TSPAN9: variants seen among roughly 807,000 people sequenced by gnomAD.
TSPAN9 encodes tetraspanin-9.
TSPAN9 carries 16 observed loss-of-function variants against 31.0 expected under a neutral mutation model. The observed-to-expected ratio is 0.52, with a 90% CI of 0.35 to 0.78. TSPAN9 has a LOEUF of 0.78. Among genes scored for constraint, TSPAN9 ranks in the 30% least tolerant of loss-of-function variants. The pLI is 0.01. For missense variants in TSPAN9, 272 were observed against 312.5 expected (o/e 0.87, Z 0.98); for synonymous variants, 145 against 121.6 (o/e 1.19, Z -1.27).
intron 2 of TSPAN9, 77 bp from the exon 3 acceptor site, chr12:3,201,100 G>A: frequency 7.3e-7 from 1 of 1,366,326 alleles, no homozygotes; most frequent in Non-Finnish European, 1.0e-6. Context: ...CCGGCGTTAA[G>A]ACCGACAAGT....
intron 2 of TSPAN9, among the ~76,000 whole-genome samples, chr12:3,197,900 C>A: frequency 1.8e-5 from 1 of 56,190 alleles, no homozygotes; most frequent in Non-Finnish European, 3.6e-5. Context: ...ACAGGTCACA[C>A]CAGCACAGGT....
At chr12:3,213,095 C>T (rs1376459695) in intron 3 of TSPAN9, among the ~76,000 whole-genome samples, 2 of 152,156 alleles carry the variant, frequency 1.3e-5, no homozygotes, top group East Asian at 3.9e-4. Context: ...CAGCGGTGTG[C>T]TGGTTGCAGA....
At chr12:3,233,378 C>T (rs1170481043) in intron 3 of TSPAN9, among the ~76,000 whole-genome samples, 12 of 152,250 alleles carry the variant, frequency 7.9e-5, no homozygotes, top group Admixed American at 7.9e-4. Flanking sequence ...TCTAGCCCTG[C>T]TCCGTCCCTG....
intron 2 of TSPAN9, among the ~76,000 whole-genome samples, chr12:3,125,271 A>G (rs1270391754): frequency 6.6e-6 from 1 of 152,076 alleles, no homozygotes; most frequent in Non-Finnish European, 1.5e-5. Context: ...CAACAACAAA[A>G]ACATCAGAAG....
rs2098305689 is a variant in TSPAN9, at chr12:3,093,033, C to G, written c.-18+9314C>G. Among the ~76,000 whole-genome samples the G allele has an allele frequency of 2.6e-5, 4 of 152,230 alleles. No individual in the cohort carries two copies. In the South Asian group the frequency reaches 8.3e-4, roughly 32 times the overall value. On this transcript the variant is annotated intron_variant, in intron 2 of 8. Coordinates refer to ENST00000011898, the MANE Select transcript of TSPAN9 (RefSeq NM_006675.5). ...TCACGTTCTGATGTTCAGATTGAACCTGGAACACGGAAAGCATTCAGAGTC... is the reference window on the plus strand; with the variant it reads ...TCACGTTCTGATGTTCAGATTGAACGTGGAACACGGAAAGCATTCAGAGTC...
At chr12:3,190,237 G>C (rs1280064817) in intron 2 of TSPAN9, among the ~76,000 whole-genome samples, 1 of 152,210 alleles carries the variant, frequency 6.6e-6, no homozygotes, top group Non-Finnish European at 1.5e-5. Context: ...CGCCGTCCCA[G>C]CTGGCAAGTC....
chr12:3,105,086 G>A (rs2098313625), intron 2 of TSPAN9, among the ~76,000 whole-genome samples: 1 of 152,188 alleles, frequency 6.6e-6, no homozygotes, highest in Non-Finnish European at 1.5e-5. Flanking sequence ...GAGGCTGCCT[G>A]GGGAGTGGAA....
At chr12:3,246,225 C>G (rs942118701) in intron 3 of TSPAN9, among the ~76,000 whole-genome samples, 2 of 151,920 alleles carry the variant, frequency 1.3e-5, no homozygotes, top group Non-Finnish European at 2.9e-5. Context: ...ACGACCCAGT[C>G]TTGTGAGAAC....
intron 3 of TSPAN9, among the ~76,000 whole-genome samples, chr12:3,246,840 G>A (rs1345933937): frequency 1.3e-5 from 2 of 152,208 alleles, no homozygotes; most frequent in Non-Finnish European, 2.9e-5. Flanking sequence ...GGACCAGGGG[G>A]GAAGACATCT....
intron 2 of TSPAN9, among the ~76,000 whole-genome samples, chr12:3,137,103 C>G (rs1383777813): frequency 1.3e-5 from 2 of 152,234 alleles, no homozygotes; most frequent in Non-Finnish European, 2.9e-5. Context: ...ATTGGACCTT[C>G]TCAGGGGCAG....
chr12:3,229,177 C>G (rs772696728), intron 3 of TSPAN9, among the ~76,000 whole-genome samples: 11 of 152,192 alleles, frequency 7.2e-5, no homozygotes, highest in Non-Finnish European at 1.6e-4. Context: ...TAGAGCATCC[C>G]CAGCTACTGT....
intron 2 of TSPAN9, among the ~76,000 whole-genome samples, chr12:3,100,840 A>G (rs1455912178): frequency 3.9e-5 from 6 of 152,228 alleles, no homozygotes; most frequent in Non-Finnish European, 8.8e-5. Flanking sequence ...CAAAGATGAT[A>G]TGGTGTTTTT....
rs1434114970 is a variant in TSPAN9, at chr12:3,107,262, G to A, written c.-18+23543G>A. 2.0e-5 allele frequency among the ~76,000 whole-genome samples: 3 copies of A among 152,176 alleles called. No homozygotes were observed. The East Asian group carries it at 5.8e-4, about 29-fold the overall frequency. On this transcript the variant is annotated intron_variant, in intron 2 of 8. Coordinates refer to ENST00000011898, the MANE Select transcript of TSPAN9 (RefSeq NM_006675.5). This position sits in a 1 kb window ranked among gnomAD's most constrained non-coding sequence, Gnocchi z 4.1. Reference sequence around the variant, plus strand: ...GTTAGAGTGGTGGAGGGGCCAGACTGTTACTCATCCTTGACTGTTTCTTCT... The same window carrying A: ...GTTAGAGTGGTGGAGGGGCCAGACTATTACTCATCCTTGACTGTTTCTTCT...
intron 2 of TSPAN9, 195 bp from the exon 3 acceptor site, chr12:3,200,982 A>T: frequency 5.2e-6 from 3 of 579,390 alleles, no homozygotes. Context: ...GACAGCAAGG[A>T]CTCGGACTTT....
Position 3,170,008 on chromosome 12 carries a change from G to A in TSPAN9, c.-17-31169G>A, listed in dbSNP as rs2098350866. On this transcript the variant is annotated intron_variant, in intron 2 of 8. Coordinates refer to ENST00000011898, the MANE Select transcript of TSPAN9 (RefSeq NM_006675.5). The surrounding 1 kb of genome is among the most constrained non-coding windows in gnomAD (Gnocchi z 4.4). ...CTGATGGAGGAGTCAGAATGTCTTG[G>A]GGTGGGGGTGGGGGCATCCTGAATC... Among the ~76,000 whole-genome samples, 1 of 151,806 alleles carries A rather than the reference G, an allele frequency of 6.6e-6. No homozygotes were observed.
chr12:3,128,494 C>T (rs971883521), intron 2 of TSPAN9, among the ~76,000 whole-genome samples: 2 of 152,140 alleles, frequency 1.3e-5, no homozygotes, highest in African/African-American at 4.8e-5. Context: ...GAAGCCAAGG[C>T]AGGAGGATTG....
chr12:3,218,106 A>G (rs980922824), intron 3 of TSPAN9, among the ~76,000 whole-genome samples: 17 of 151,986 alleles, frequency 1.1e-4, no homozygotes, highest in Non-Finnish European at 2.4e-4. Flanking sequence ...TGGGATGTGT[A>G]CAGATTTTGG....
intron 2 of TSPAN9, among the ~76,000 whole-genome samples, chr12:3,195,421 T>C (rs1381424242): frequency 2.6e-5 from 4 of 152,148 alleles, no homozygotes; most frequent in Non-Finnish European, 4.4e-5. Flanking sequence ...TACTTCACTT[T>C]TTTTGTTAAA....
intron 2 of TSPAN9, among the ~76,000 whole-genome samples, chr12:3,130,555 A>T (rs974801545): frequency 4.6e-5 from 7 of 152,100 alleles, no homozygotes; most frequent in African/African-American, 1.7e-4. Context: ...TCCAGGTGAT[A>T]GGGCTTCTCG....
Sources: gnomAD v4.1 joint callset for allele counts (sites outside exome capture counted in the v4.1 genomes callset) on GRCh38, gnomAD v4.1.1 for gene constraint, Gnocchi (gnomAD v3.1) non-coding constraint, MANE v1.5 for transcripts, NCBI Gene and HGNC (gene_info 2026-07-23, HGNC 2026-07-21) for gene names.